GATAD2A: variants seen among roughly 807,000 people sequenced by gnomAD.
The protein encoded by GATAD2A is transcriptional repressor p66-alpha.
Under a neutral mutation model 68.5 loss-of-function variants are expected in GATAD2A, and 12 were observed. The observed-to-expected ratio is 0.18, with a 90% confidence interval of 0.11 to 0.28. GATAD2A has a LOEUF of 0.28. GATAD2A is among the 10% of genes least tolerant of loss of function. The pLI is 1.00. For missense variants in GATAD2A, 755 were observed against 868.5 expected, an observed-to-expected ratio of 0.87 and a Z score of 1.64; for synonymous variants, 410 against 375.3, an observed-to-expected ratio of 1.09 and a Z score of -1.07.
chr19:19,497,401 G>A (rs1047835312), intron 7 of GATAD2A, among the ~76,000 whole-genome samples: 6 of 152,202 alleles, frequency 3.9e-5, no homozygotes, highest in African/African-American at 7.2e-5. Context: ...CTGCCCACCC[G>A]TGAACTTTTA....
At chr19:19,503,713 G>A (rs1419893703) in intron 11 of GATAD2A, among the ~76,000 whole-genome samples, 1 of 151,988 alleles carries the variant, frequency 6.6e-6, no homozygotes, top group Non-Finnish European at 1.5e-5. Context: ...CACTAGTTGT[G>A]TGTCTGATGG....
chr19:19,429,226 C>G (rs764963440), intron 1 of GATAD2A: 272 of 985,108 alleles, frequency 2.8e-4, no homozygotes, highest in Non-Finnish European at 3.2e-4. Context: ...GCAAAAAGTT[C>G]CAGCATCGTG....
At chr19:19,465,718 G>A in intron 2 of GATAD2A, 104 bp downstream of exon 2, 1 of 1,353,190 alleles carries the variant, frequency 7.4e-7, no homozygotes, top group Non-Finnish European at 1.0e-6. Context: ...CAGCTTGGCG[G>A]GGTTGTGGAG....
In GATAD2A at chr19:19,508,846, A is replaced by C. The variant is rs1466658027; in HGVS notation, c.*3372A>C. 4 of 152,242 alleles carry C rather than the reference A, an allele frequency of 2.6e-5. No homozygotes were observed. The highest frequency in any genetic ancestry group is 2.6e-4 in the Admixed American group (4 of 15,278). 9.4% of individuals were successfully genotyped at this position (152,242 alleles called of 1,614,324 possible). A position where few individuals can be genotyped will look rare whatever the true frequency, so the allele number is the denominator to read the frequency against. On this transcript the variant is annotated 3_prime_UTR_variant, in exon 12 of 12. Coordinates refer to ENST00000683918, the MANE Select transcript of GATAD2A (RefSeq NM_001384528.1). ...ACCAGATGGGAATAGAAGTTCCAAT[A>C]AGCAGGCTGGAATGGGTGGCTATAC...
chr19:19,426,959 C>CT (rs372524810), intron 1 of GATAD2A, among the ~76,000 whole-genome samples: 2 of 152,162 alleles, frequency 1.3e-5, no homozygotes, highest in East Asian at 1.9e-4. Flanking sequence ...GGCTCATGTG[C>CT]TTTTTTTCTG....
intron 1 of GATAD2A, among the ~76,000 whole-genome samples, chr19:19,409,853 C>T (rs2050712547): frequency 6.6e-6 from 1 of 152,194 alleles, no homozygotes; most frequent in South Asian, 2.1e-4. Flanking sequence ...CCGTTGGCTT[C>T]TTGCCCCTCC....
intron 1 of GATAD2A, among the ~76,000 whole-genome samples, chr19:19,421,968 C>T (rs1367833251): frequency 6.6e-6 from 1 of 151,984 alleles, no homozygotes; most frequent in African/African-American, 2.4e-5. Context: ...ATTACAGGCT[C>T]CCACCACCAT....
At chr19:19,392,584 G>A (rs2048928281) in intron 1 of GATAD2A, among the ~76,000 whole-genome samples, 1 of 151,520 alleles carries the variant, frequency 6.6e-6, no homozygotes, top group South Asian at 2.1e-4. Flanking sequence ...TAGAGACGGG[G>A]TTTCACCATC....
At chr19:19,403,760 A>G (rs919733142), upstream of GATAD2A, among the ~76,000 whole-genome samples, 1 of 152,234 alleles carries the variant, frequency 6.6e-6, no homozygotes, top group South Asian at 2.1e-4. Context: ...TTGCTTTAAT[A>G]TACATCATCT....
chr19:19,462,082 C>T (rs955322214), intron 1 of GATAD2A, among the ~76,000 whole-genome samples: 1 of 152,248 alleles, frequency 6.6e-6, no homozygotes, highest in African/African-American at 2.4e-5. Context: ...GACCTAGCCT[C>T]TTCACCTACT....
intron 1 of GATAD2A, among the ~76,000 whole-genome samples, chr19:19,406,536 C>T (rs1227883895): frequency 6.6e-6 from 1 of 152,092 alleles, no homozygotes; most frequent in African/African-American, 2.4e-5. Context: ...CGGCCCTCCC[C>T]CAGCTCGCGC....
chr19:19,451,129 C>T (rs956122853), intron 1 of GATAD2A, among the ~76,000 whole-genome samples: 2 of 151,840 alleles, frequency 1.3e-5, no homozygotes, highest in Admixed American at 1.3e-4. Flanking sequence ...AATCCCAGCA[C>T]CTTGTGAGTC....
chr19:19,502,228 G>A, intron 10 of GATAD2A, 103 bp from the exon 11 acceptor site: 1 of 1,011,204 alleles, frequency 9.9e-7, no homozygotes. Context: ...GACCCCATGT[G>A]GGTGGGAAGA....
At chr19:19,453,884 G>A (rs1568300183) in intron 1 of GATAD2A, among the ~76,000 whole-genome samples, 1 of 151,032 alleles carries the variant, frequency 6.6e-6, no homozygotes, top group Middle Eastern at 3.5e-3. Flanking sequence ...GGCTGGTCTC[G>A]AGCTCCTGGC....
chr19:19,432,609 G>A lies in GATAD2A; in HGVS notation c.-7+26590G>A, dbSNP rs182354083. On this transcript the variant is annotated intron_variant, in intron 1 of 11. Transcript: ENST00000683918. ...GAGCTACCGTGTTCGGCTGACAGTC[G>A]TTTTTTAAAGGTCGTTTTCAATTCG... Among the ~76,000 whole-genome samples the A allele has an allele frequency of 2.1e-3, 327 of 152,288 alleles. 1 individual carries two copies. Among genetic ancestry groups the A allele is most frequent in the African/African-American group, 7.6e-3 (314 of 41,560 alleles).
chr19:19,478,415 A>G (rs1325706790), intron 2 of GATAD2A, among the ~76,000 whole-genome samples: 1 of 152,162 alleles, frequency 6.6e-6, no homozygotes, highest in African/African-American at 2.4e-5. Flanking sequence ...AGCCTGAGCA[A>G]CATGGCAAAT....
chr19:19,401,444 A>C (rs1017426304), upstream of GATAD2A, among the ~76,000 whole-genome samples: 1 of 151,994 alleles, frequency 6.6e-6, no homozygotes, highest in Middle Eastern at 3.4e-3. Context: ...CGATCTCCTG[A>C]TCTCGTGATC....
upstream of GATAD2A, among the ~76,000 whole-genome samples, chr19:19,405,364 C>G (rs766594304): frequency 6.6e-6 from 1 of 152,202 alleles, no homozygotes; most frequent in Non-Finnish European, 1.5e-5. Flanking sequence ...GCTCAGCTGG[C>G]GCGAGGTCAG....
intron 1 of GATAD2A, among the ~76,000 whole-genome samples, chr19:19,397,345 C>A (rs908186141): frequency 6.6e-6 from 1 of 151,694 alleles, no homozygotes; most frequent in Non-Finnish European, 1.5e-5. Flanking sequence ...TGGGTTCAAG[C>A]GATTCTCCTG....
Sources: gnomAD v4.1 joint callset for allele counts (sites outside exome capture counted in the v4.1 genomes callset) on GRCh38, gnomAD v4.1.1 for gene constraint, MANE v1.5 for transcripts, NCBI Gene and HGNC (gene_info 2026-07-23, HGNC 2026-07-21) for gene names.